Variants in SPEF2 observed in about 807,000 individuals in gnomAD.
The protein encoded by SPEF2 is sperm flagella and cilia-associated protein 2.
SPEF2 carries 187 observed loss-of-function variants against 224.6 expected under a neutral mutation model. The observed-to-expected ratio is 0.83, with a 90% CI of 0.74 to 0.94. The LOEUF is 0.94. Ranked by LOEUF, SPEF2 falls within the 40% of genes least tolerant of loss-of-function variation. The probability of loss-of-function intolerance (pLI) is 0.00; values close to 1 mark genes in which losing one functional copy is unlikely to be tolerated. For synonymous variants in SPEF2, 715 were observed against 707.3 expected (o/e 1.01, Z -0.17); for missense variants, 2,170 against 2,135.6 (o/e 1.02, Z -0.32).
intron 10 of SPEF2, among the ~76,000 whole-genome samples, chr5:35,690,540 C>A (rs1381991735): frequency 6.6e-6 from 1 of 152,042 alleles, no homozygotes; most frequent in Non-Finnish European, 1.5e-5. Context: ...AGAATGTGAT[C>A]CATATAGTGT....
intron 2 of SPEF2, among the ~76,000 whole-genome samples, chr5:35,635,271 C>T (rs1311098145): frequency 6.6e-6 from 1 of 152,094 alleles, no homozygotes; most frequent in Non-Finnish European, 1.5e-5. Flanking sequence ...CAGAATTTCA[C>T]TGTGTTCCTA....
At chr5:35,797,270 G>C (rs1756792381) in intron 33 of SPEF2, among the ~76,000 whole-genome samples, 1 of 151,468 alleles carries the variant, frequency 6.6e-6, no homozygotes. Context: ...AGGCAGGACT[G>C]TGGAGACTGA....
chr5:35,812,130 C>T (rs550825297), intron 36 of SPEF2, among the ~76,000 whole-genome samples: 56 of 152,090 alleles, frequency 3.7e-4, no homozygotes, highest in Non-Finnish European at 7.1e-4. Context: ...TACTTTTGCA[C>T]CAACCTACTT....
intron 4 of SPEF2, among the ~76,000 whole-genome samples, chr5:35,645,002 C>T (rs962335157): frequency 2.0e-5 from 3 of 152,140 alleles, no homozygotes; most frequent in African/African-American, 7.2e-5. Context: ...TTTCAATCAC[C>T]TTGAACAACT....
At chr5:35,728,334 G>A (rs1050375457) in intron 21 of SPEF2, among the ~76,000 whole-genome samples, 9 of 152,302 alleles carry the variant, frequency 5.9e-5, no homozygotes, top group African/African-American at 1.4e-4. Flanking sequence ...CCAGAGGAGC[G>A]CTGAAAGCTC....
At chr5:35,793,459 C>T in intron 32 of SPEF2, 118 bp downstream of exon 32, 1 of 966,634 alleles carries the variant, frequency 1.0e-6, no homozygotes, top group Non-Finnish European at 1.4e-6. Flanking sequence ...CTCAGCTCCC[C>T]ATGTCTAGGC....
At chr5:35,771,161 A>T (rs78270433) in intron 26 of SPEF2, among the ~76,000 whole-genome samples, 12,915 of 139,404 alleles carry the variant, frequency 0.093, 687 homozygotes, top group African/African-American at 0.2. Context: ...ATAAAAAAAT[A>T]AAAAAAAAAC....
chr5:35,692,418 A>T, intron 11 of SPEF2, 152 bp from the exon 12 acceptor site: 1 of 632,952 alleles, frequency 1.6e-6, no homozygotes, highest in Non-Finnish European at 2.7e-6. Flanking sequence ...CTCAAACAAA[A>T]CAAACCAAAC....
At position 35,776,302 on chromosome 5, in the gene SPEF2, TG is replaced by T; in HGVS notation, c.4126del (p.Ala1376LeufsTer6). On this transcript the variant is annotated frameshift_variant, in exon 29 of 37. Transcript: ENST00000356031. LOFTEE classifies it high-confidence loss of function. Reference sequence around the variant, plus strand: ...CTTGAACTGATAAAGACAAAAGCATTGGCTCTTCTTGAAGATTTAGTAACAA... The same window carrying T: ...CTTGAACTGATAAAGACAAAAGCATTGCTCTTCTTGAAGATTTAGTAACAA... Reference protein sequence around the residue: ...FRLELIKTKALALLEDLVTKV... With the variant: ...FRLELIKTKAXALLEDLVTKV... 1.2e-6 allele frequency: 2 copies of T among 1,612,438 alleles called. No individual in the cohort carries two copies. Among genetic ancestry groups the T allele is most frequent in the Middle Eastern group, 1.7e-4 (1 of 6,046 alleles).
At chr5:35,682,201 C>A (rs1220959799) in intron 10 of SPEF2, among the ~76,000 whole-genome samples, 1 of 152,080 alleles carries the variant, frequency 6.6e-6, no homozygotes, top group East Asian at 1.9e-4. Flanking sequence ...ACATTGGCTG[C>A]CCTCTAAAAG....
chr5:35,669,307 G>C (rs1234144104), intron 9 of SPEF2, among the ~76,000 whole-genome samples: 10 of 152,080 alleles, frequency 6.6e-5, no homozygotes, highest in Middle Eastern at 6.8e-3. Flanking sequence ...ATCATGTCAG[G>C]ACATTTCACA....
intron 2 of SPEF2, among the ~76,000 whole-genome samples, chr5:35,629,468 TTAAGAGAAGAAGTGAAACAACATATAG>T (rs1445803047): frequency 6.6e-6 from 1 of 152,116 alleles, no homozygotes; most frequent in Non-Finnish European, 1.5e-5. Context: ...GTTCCTTCTT[TTAAGAGAAGAAGTGAAACAACATATAG>T]TGCTTTGGGT....
intron 10 of SPEF2, among the ~76,000 whole-genome samples, chr5:35,672,181 G>A (rs1751289647): frequency 6.6e-6 from 1 of 150,534 alleles, no homozygotes; most frequent in Admixed American, 6.6e-5. Flanking sequence ...TTGTTCAGGA[G>A]TTTTAATGCA....
At chr5:35,744,652 A>G (rs935086266) in intron 23 of SPEF2, among the ~76,000 whole-genome samples, 5 of 152,108 alleles carry the variant, frequency 3.3e-5, no homozygotes, top group African/African-American at 7.2e-5. Context: ...TAAAAAATAT[A>G]TAAAGAGGAG....
At chr5:35,714,678 A>ATTTT (rs1421312085) in intron 20 of SPEF2, among the ~76,000 whole-genome samples, 71 of 91,760 alleles carry the variant, frequency 7.7e-4, no homozygotes, top group East Asian at 5.3e-3. Context: ...TTTTGGGTTT[A>ATTTT]TTTTTATTTA....
chr5:35,757,655 A>G (rs1452224566), intron 24 of SPEF2, among the ~76,000 whole-genome samples: 2 of 152,190 alleles, frequency 1.3e-5, no homozygotes, highest in Admixed American at 1.3e-4. Context: ...TAAGCATGAC[A>G]GGTGCAAACA....
intron 11 of SPEF2, 107 bp downstream of exon 11, chr5:35,691,363 TTGGGAAATCTC>T: frequency 6.9e-6 from 6 of 865,570 alleles, no homozygotes; most frequent in Non-Finnish European, 3.5e-6. Context: ...TGCTGATATG[TTGGGAAATCTC>T]TGTCATCAAA....
At chr5:35,631,606 A>C (rs1387589796) in intron 2 of SPEF2, among the ~76,000 whole-genome samples, 1 of 152,204 alleles carries the variant, frequency 6.6e-6, no homozygotes, top group Middle Eastern at 3.2e-3. Context: ...TTCTACTTCT[A>C]GATATATACC....
At chr5:35,790,315 G>T in intron 30 of SPEF2, 1 of 592,728 alleles carries the variant, frequency 1.7e-6, no homozygotes, top group Non-Finnish European at 3.0e-6. Context: ...TCTTCAACTG[G>T]TGACACAAGA....
Sources: gnomAD v4.1 joint callset for allele counts (sites outside exome capture counted in the v4.1 genomes callset) on GRCh38, gnomAD v4.1.1 for gene constraint, MANE v1.5 for transcripts, NCBI Gene and HGNC (gene_info 2026-07-23, HGNC 2026-07-21) for gene names.